Variants in PTPRD observed in about 807,000 individuals in gnomAD.
PTPRD encodes the protein protein tyrosine phosphatase receptor type D.
Under a neutral mutation model 214.5 loss-of-function variants are expected in PTPRD, and 34 were observed. The observed-to-expected ratio is 0.16, with a 90% confidence interval of 0.12 to 0.21. The LOEUF is 0.21. PTPRD is among the 10% of genes least tolerant of loss of function. The pLI, the probability that PTPRD is intolerant of heterozygous loss-of-function variation, is 1.00. For synonymous variants in PTPRD, 1,128 were observed against 845.7 expected, an observed-to-expected ratio of 1.33 and a Z score of -5.79; for missense variants, 2,545 against 2,398.7, an observed-to-expected ratio of 1.06 and a Z score of -1.27.
chr9:10,056,088 C>T (rs1253414969), intron 3 of PTPRD, among the ~76,000 whole-genome samples: 3 of 151,550 alleles, frequency 2.0e-5, no homozygotes, highest in Non-Finnish European at 4.4e-5. Flanking sequence ...TTGGGGAGGC[C>T]GAGGTGAGCG....
At chr9:9,175,457 C>A (rs778393974) in intron 10 of PTPRD, among the ~76,000 whole-genome samples, 1 of 151,556 alleles carries the variant, frequency 6.6e-6, no homozygotes, top group Admixed American at 6.6e-5. Context: ...CCCGTCTCTA[C>A]TAAAAATACA....
intron 3 of PTPRD, among the ~76,000 whole-genome samples, chr9:10,197,804 G>A (rs987353430): frequency 1.3e-5 from 2 of 152,072 alleles, no homozygotes; most frequent in Admixed American, 6.6e-5. Flanking sequence ...GGTCTGTAAG[G>A]CAGTTATAGA....
At position 9,191,092 on chromosome 9, in the gene PTPRD, G is replaced by A. The variant is rs552178843; in HGVS notation, c.-202-7729C>T. Among the ~76,000 whole-genome samples the A allele has an allele frequency of 4.6e-5, 7 of 152,206 alleles. No homozygotes were observed. In the South Asian group the frequency reaches 6.2e-4, roughly 14 times the overall value. On this transcript the variant is annotated intron_variant, in intron 9 of 45. Coordinates refer to ENST00000381196, the MANE Select transcript of PTPRD (RefSeq NM_002839.4). ...CAAAAATAATGCTGCAAAAGTAATGGCAAGTTGCCGATTAGATTATAAAAA... is the reference window on the plus strand; with the variant it reads ...CAAAAATAATGCTGCAAAAGTAATGACAAGTTGCCGATTAGATTATAAAAA...
At chr9:8,873,067 G>T (rs140028936) in intron 11 of PTPRD, among the ~76,000 whole-genome samples, 121 of 152,308 alleles carry the variant, frequency 7.9e-4, no homozygotes, top group African/African-American at 2.8e-3. Context: ...CAGTGTTACT[G>T]CAGCGATATG....
chr9:9,004,938 A>C (rs2099452499), intron 11 of PTPRD, among the ~76,000 whole-genome samples: 2 of 152,122 alleles, frequency 1.3e-5, no homozygotes, highest in Non-Finnish European at 2.9e-5. Flanking sequence ...GGAAGCCAAA[A>C]ATGAGCTAAT....
chr9:10,085,417 G>C (rs906537888), intron 3 of PTPRD, among the ~76,000 whole-genome samples: 8 of 151,816 alleles, frequency 5.3e-5, no homozygotes, highest in Non-Finnish European at 1.2e-4. Context: ...AATAGGAATA[G>C]CTTTCAGGAT....
At chr9:8,632,558 G>T (rs574183684) in intron 14 of PTPRD, among the ~76,000 whole-genome samples, 1 of 151,976 alleles carries the variant, frequency 6.6e-6, no homozygotes, top group East Asian at 1.9e-4. Context: ...CAACTGTGAG[G>T]TGCCTAATTG....
intron 9 of PTPRD, among the ~76,000 whole-genome samples, chr9:9,216,541 C>A (rs2099952376): frequency 6.6e-6 from 1 of 152,170 alleles, no homozygotes; most frequent in African/African-American, 2.4e-5. Context: ...ACACAGCCGT[C>A]ATCTTCCAGG....
At chr9:10,134,072 A>G (rs922476037) in intron 3 of PTPRD, among the ~76,000 whole-genome samples, 5 of 152,106 alleles carry the variant, frequency 3.3e-5, no homozygotes, top group African/African-American at 1.2e-4. Flanking sequence ...ACTCCAGGCC[A>G]TGGGTGCCAT....
chr9:8,499,212 G>A, intron 25 of PTPRD, among the ~76,000 whole-genome samples: 1 of 152,260 alleles, frequency 6.6e-6, no homozygotes, highest in Non-Finnish European at 1.5e-5. Context: ...GAATAAAAAT[G>A]TCTATTCTTC....
intron 9 of PTPRD, among the ~76,000 whole-genome samples, chr9:9,290,551 G>C (rs1198824016): frequency 6.6e-6 from 1 of 151,482 alleles, no homozygotes; most frequent in African/African-American, 2.4e-5. Flanking sequence ...GTTCTGCTAT[G>C]TAAGTCTTTA....
At chr9:9,724,814 C>A (rs1263928128) in intron 7 of PTPRD, among the ~76,000 whole-genome samples, 1 of 152,090 alleles carries the variant, frequency 6.6e-6, no homozygotes, top group East Asian at 1.9e-4. Flanking sequence ...AAATAACTCA[C>A]CCAAGTTCAT....
chr9:8,734,014 C>T (rs897552574), intron 11 of PTPRD, 68 bp from the exon 12 acceptor site: 82 of 635,794 alleles, frequency 1.3e-4, no homozygotes, highest in Non-Finnish European at 1.8e-4. Flanking sequence ...CTTACTCTTT[C>T]CCCCCTGGTT....
intron 9 of PTPRD, among the ~76,000 whole-genome samples, chr9:9,361,733 C>T (rs557602859): frequency 2.5e-4 from 38 of 151,192 alleles, no homozygotes; most frequent in African/African-American, 8.9e-4. Flanking sequence ...CTTGATCTTT[C>T]AGTCTCAAGA....
At chr9:9,905,099 G>C (rs753110615) in intron 5 of PTPRD, among the ~76,000 whole-genome samples, 1 of 151,904 alleles carries the variant, frequency 6.6e-6, no homozygotes. Flanking sequence ...TACCATCTAA[G>C]TAACTCACCT....
intron 9 of PTPRD, among the ~76,000 whole-genome samples, chr9:9,301,806 C>T (rs566354501): frequency 5.3e-5 from 8 of 151,964 alleles, no homozygotes; most frequent in African/African-American, 1.9e-4. Flanking sequence ...AAACTCTATG[C>T]ATTCATAAGA....
chr9:8,397,078 GA>G (rs1453141822), intron 36 of PTPRD, among the ~76,000 whole-genome samples: 1 of 152,100 alleles, frequency 6.6e-6, no homozygotes, highest in Non-Finnish European at 1.5e-5. Context: ...AAGAGTGTGA[GA>G]AAAATGAACT....
chr9:9,892,610 A>C (rs985810183), intron 5 of PTPRD, among the ~76,000 whole-genome samples: 2 of 152,248 alleles, frequency 1.3e-5, no homozygotes, highest in East Asian at 1.9e-4. Context: ...ATTTTGGGCC[A>C]AACTGTTGGG....
chr9:10,103,395 T>TATATATAGATATATATATATATATATA (rs34926923), intron 3 of PTPRD, among the ~76,000 whole-genome samples: 1 of 116,698 alleles, frequency 8.6e-6, no homozygotes, highest in African/African-American at 3.2e-5. Context: ...ATATATATAT[T>TATATATAGATATATATATATATATATA]TATTTAAGAG....
Sources: gnomAD v4.1 joint callset for allele counts (sites outside exome capture counted in the v4.1 genomes callset) on GRCh38, gnomAD v4.1.1 for gene constraint, MANE v1.5 for transcripts, NCBI Gene and HGNC (gene_info 2026-07-23, HGNC 2026-07-21) for gene names.